SATL1: variants seen among roughly 807,000 people sequenced by gnomAD.
SATL1 encodes the protein spermidine/spermine N(1)-acetyltransferase-like protein 1.
Under a neutral mutation model 51.8 loss-of-function variants are expected in SATL1, and 47 were observed. The ratio of observed to expected loss-of-function variants is 0.91; its 90% CI spans 0.72 to 1.16. The LOEUF (loss-of-function observed/expected upper bound fraction) is 1.16. Ranked by LOEUF, SATL1 falls within the 50% of genes most tolerant of loss-of-function variation. The probability of loss-of-function intolerance (pLI) is 0.00; values close to 1 mark genes in which losing one functional copy is unlikely to be tolerated. For missense variants in SATL1, 520 were observed against 526.4 expected, an observed-to-expected ratio of 0.99 and a Z score of 0.12; for synonymous variants, 176 against 182.4, an observed-to-expected ratio of 0.97 and a Z score of 0.28.
chrX:85,112,052 T>C (rs1478461056), intron 2 of SATL1, among the ~76,000 whole-genome samples: 1 of 111,589 alleles, frequency 9.0e-6, no homozygotes, highest in African/African-American at 3.3e-5. Flanking sequence ...AGTGGAAGTT[T>C]ATTAAAAAGT....
intron 2 of SATL1, among the ~76,000 whole-genome samples, chrX:85,179,352 A>T (rs998077101): frequency 9.0e-6 from 1 of 111,313 alleles, no homozygotes; most frequent in Non-Finnish European, 1.9e-5. Context: ...TATCTAATTT[A>T]AAAAAAATAT....
chrX:85,110,495 A>T (rs1234167817), intron 2 of SATL1, among the ~76,000 whole-genome samples: 3 of 112,061 alleles, frequency 2.7e-5, no homozygotes, highest in Non-Finnish European at 5.6e-5. Flanking sequence ...TAAGGGCTTT[A>T]CATATGTATT....
intron 2 of SATL1, among the ~76,000 whole-genome samples, chrX:85,175,856 C>T (rs1190302238): frequency 1.8e-5 from 2 of 110,636 alleles, no homozygotes; most frequent in African/African-American, 6.6e-5. Context: ...TCTTACTCTC[C>T]TCCCTCCCTC....
intron 1 of SATL1, among the ~76,000 whole-genome samples, chrX:85,231,785 G>T (rs749361619): frequency 1.8e-5 from 2 of 111,891 alleles, no homozygotes; most frequent in Non-Finnish European, 3.8e-5. Flanking sequence ...TTGGAACCTG[G>T]GTTCCAGAAA....
intron 1 of SATL1, among the ~76,000 whole-genome samples, chrX:85,227,443 A>C (rs1352236015): frequency 8.9e-6 from 1 of 112,220 alleles, no homozygotes; most frequent in East Asian, 2.8e-4. Context: ...ATAGATCTAA[A>C]CAAAAATTAT....
chrX:85,149,916 A>G (rs897185094), intron 2 of SATL1, among the ~76,000 whole-genome samples: 2 of 111,791 alleles, frequency 1.8e-5, no homozygotes, highest in Non-Finnish European at 3.8e-5. Context: ...TAGAAAAGCA[A>G]GAGCGAACAC....
At chrX:85,106,297 C>T (rs1925038237) in intron 3 of SATL1, among the ~76,000 whole-genome samples, 2 of 110,970 alleles carry the variant, frequency 1.8e-5, no homozygotes, top group African/African-American at 6.6e-5. Context: ...GAATGTAAGC[C>T]ATAAAAGGAT....
At chrX:85,170,999 T>G (rs1157819759) in intron 2 of SATL1, among the ~76,000 whole-genome samples, 1 of 111,753 alleles carries the variant, frequency 8.9e-6, no homozygotes, top group Non-Finnish European at 1.9e-5. Flanking sequence ...AAATATCATG[T>G]GTGTCATATC....
intron 2 of SATL1, among the ~76,000 whole-genome samples, chrX:85,182,259 C>G (rs1206478160): frequency 9.0e-6 from 1 of 111,143 alleles, no homozygotes; most frequent in Non-Finnish European, 1.9e-5. Flanking sequence ...CTACCCTTCC[C>G]AATCCCTAAT....
chrX:85,104,362 T>C (rs1002223495), intron 3 of SATL1, among the ~76,000 whole-genome samples: 11 of 111,979 alleles, frequency 9.8e-5, no homozygotes, highest in Non-Finnish European at 1.7e-4. Context: ...ACTATATCAT[T>C]TTATTTTACA....
intron 4 of SATL1, among the ~76,000 whole-genome samples, chrX:85,102,190 G>A (rs1003228348): frequency 8.3e-5 from 9 of 108,944 alleles, no homozygotes; most frequent in Non-Finnish European, 1.1e-4. Flanking sequence ...CCATTAACTC[G>A]TCATTTAGCA....
Position 85,118,087 on chromosome X carries a change from C to CTTTTTTTTTTTTTTTTTTTTTTTTTTTTT in SATL1, c.-312-8808_-312-8807insAAAAAAAAAAAAAAAAAAAAAAAAAAAAA, listed in dbSNP as rs747093188. On this transcript the variant is annotated intron_variant, in intron 2 of 7. Transcript: ENST00000644105. Reference sequence around the variant, plus strand: ...TTTTGCAAATAAAAAAAGAACTTAGCTTTTTTTTTTTTTTTTCCAGAGTGC... The same window carrying CTTTTTTTTTTTTTTTTTTTTTTTTTTTTT: ...TTTTGCAAATAAAAAAAGAACTTAGCTTTTTTTTTTTTTTTTTTTTTTTTTTTTTTTTTTTTTTTTTTTTTCCAGAGTGC... Among the ~76,000 whole-genome samples the CTTTTTTTTTTTTTTTTTTTTTTTTTTTTT allele has an allele frequency of 5.8e-4, 27 of 46,166 alleles. 9 individuals are homozygous for CTTTTTTTTTTTTTTTTTTTTTTTTTTTTT. Among genetic ancestry groups the CTTTTTTTTTTTTTTTTTTTTTTTTTTTTT allele is most frequent in the Non-Finnish European group, 9.6e-4 (20 of 20,847 alleles). 40.1% of individuals were successfully genotyped at this position (46,166 alleles called of 115,157 possible).
chrX:85,154,364 A>C (rs1361788475), intron 2 of SATL1, among the ~76,000 whole-genome samples: 1 of 111,628 alleles, frequency 9.0e-6, no homozygotes, highest in Non-Finnish European at 1.9e-5. Context: ...TCTAATCTGA[A>C]TCTGTCTTGG....
At chrX:85,209,886 T>C (rs1245021799) in intron 2 of SATL1, 1 of 110,330 alleles carries the variant, frequency 9.1e-6, no homozygotes, top group African/African-American at 3.3e-5. Context: ...CTTTTGAATG[T>C]GTTTGCTCTT....
intron 2 of SATL1, among the ~76,000 whole-genome samples, chrX:85,166,287 A>G (rs73234605): frequency 0.099 from 10,990 of 111,474 alleles, 539 homozygotes; most frequent in South Asian, 0.17. Context: ...GCTGGGACTT[A>G]ATTAAACTAA....
At chrX:85,126,559 GA>G (rs938249025) in intron 2 of SATL1, among the ~76,000 whole-genome samples, 1 of 111,193 alleles carries the variant, frequency 9.0e-6, no homozygotes, top group African/African-American at 3.3e-5. Flanking sequence ...GGTATAATGA[GA>G]CAATCTCTAG....
chrX:85,218,265 A>G (rs940064015), intron 2 of SATL1, among the ~76,000 whole-genome samples: 1 of 111,663 alleles, frequency 9.0e-6, no homozygotes, highest in Admixed American at 9.5e-5. Flanking sequence ...CCCTGAACTT[A>G]AAATAAAACT....
intron 2 of SATL1, chrX:85,219,545 T>C (rs1928127256): frequency 2.7e-5 from 3 of 112,283 alleles, no homozygotes; most frequent in Admixed American, 9.5e-5. Flanking sequence ...AACGATTGAT[T>C]GAAAATTGGT....
Position 85,108,412 on chromosome X carries a change from G to T in SATL1, c.557C>A (p.Pro186Gln). The change falls in exon 3 of 8, where the codon CCA (proline) becomes CAA (glutamine). Residue 186 changes from proline (P) to glutamine (Q), a missense_variant. Pro to Gln is a moderately conservative substitution (Grantham distance 76). Around this residue, in one of 3 missense-constraint regions of SATL1, gnomAD observed 488 missense variants for 474.3 expected, o/e 1.03. Coordinates refer to ENST00000644105, the MANE Select transcript of SATL1 (RefSeq NM_001367857.2). The stretch of plus-strand genomic sequence containing the variant: ...CCACATGCCTGGTGGACTCATGTTT[G>T]GTTGCCTCAGGACTGGTTGGCTCAG... ...TGLSQPVLRQ[P>Q]NMSPPGMWQP... is the part of the protein sequence containing the mutation. The T allele has an allele frequency of 8.3e-7, 1 of 1,211,312 alleles. No individual in the cohort carries two copies. The highest frequency in any genetic ancestry group is 1.1e-6 in the Non-Finnish European group (1 of 895,399).
Sources: gnomAD v4.1 joint callset for allele counts (sites outside exome capture counted in the v4.1 genomes callset) on GRCh38, gnomAD v4.1.1 for gene constraint, gnomAD v4.1.1 regional missense constraint, MANE v1.5 for transcripts, NCBI Gene and HGNC (gene_info 2026-07-23, HGNC 2026-07-21) for gene names.